TENM3: variants seen among roughly 807,000 people sequenced by gnomAD.
TENM3 encodes the protein teneurin transmembrane protein 3, also known as teneurin-3.
A neutral mutation model predicts 255.1 loss-of-function variants in TENM3; 63 were observed. The ratio of observed to expected loss-of-function variants is 0.25; its 90% CI spans 0.20 to 0.30. TENM3 has a LOEUF of 0.30. Ranked by LOEUF, TENM3 falls within the 10% of genes least tolerant of loss-of-function variation. The pLI is 1.00. For missense variants in TENM3, 2,929 were observed against 3,461.1 expected, an observed-to-expected ratio of 0.85 and a Z score of 3.86; for synonymous variants, 1,306 against 1,322.3, an observed-to-expected ratio of 0.99 and a Z score of 0.27.
At chr4:182,199,106 C>T (rs1754015251) in intron 1 of TENM3, among the ~76,000 whole-genome samples, 1 of 152,124 alleles carries the variant, frequency 6.6e-6, no homozygotes. Context: ...CTGCCATAAG[C>T]CTAGGAAGTA....
intron 1 of TENM3, among the ~76,000 whole-genome samples, chr4:182,214,060 C>T (rs550820926): frequency 6.6e-5 from 10 of 152,148 alleles, no homozygotes; most frequent in Non-Finnish European, 1.3e-4. Flanking sequence ...CTGCGGCCTC[C>T]CCAAGTGCTG....
the TENM3 span, among the ~76,000 whole-genome samples, chr4:181,528,707 T>A: frequency 6.6e-6 from 1 of 152,146 alleles, no homozygotes; most frequent in Non-Finnish European, 1.5e-5. Context: ...ACCGAGGAGG[T>A]GGAATTCCAT....
At chr4:182,585,430 C>T (rs756974449) in intron 3 of TENM3, among the ~76,000 whole-genome samples, 6 of 152,108 alleles carry the variant, frequency 3.9e-5, no homozygotes, top group South Asian at 2.1e-4. Context: ...TAAGGTTAAA[C>T]GAGGTCATCA....
At chr4:181,554,721 G>A in the TENM3 span, among the ~76,000 whole-genome samples, 1 of 152,280 alleles carries the variant, frequency 6.6e-6, no homozygotes, top group Non-Finnish European at 1.5e-5. Context: ...ATGAATCTTC[G>A]ATTTCTAAAG....
chr4:182,323,847 T>C, intron 1 of TENM3, 99 bp from the exon 2 acceptor site: 1 of 604,912 alleles, frequency 1.7e-6, no homozygotes, highest in Non-Finnish European at 2.9e-6. Context: ...AGATAAGCAA[T>C]ACTATTGTTT....
intron 5 of TENM3, among the ~76,000 whole-genome samples, chr4:182,636,174 A>G (rs1166178996): frequency 6.6e-6 from 1 of 152,182 alleles, no homozygotes; most frequent in African/African-American, 2.4e-5. Flanking sequence ...TTTAATACTA[A>G]CATGATTTCA....
At chr4:182,271,503 CA>C (rs1201224168) in intron 1 of TENM3, among the ~76,000 whole-genome samples, 1 of 152,106 alleles carries the variant, frequency 6.6e-6, no homozygotes, top group Admixed American at 6.5e-5. Flanking sequence ...CAATTCTTGT[CA>C]CAGAAGAAGG....
intron 3 of TENM3, among the ~76,000 whole-genome samples, chr4:182,590,842 C>T (rs577737034): frequency 8.0e-4 from 114 of 141,936 alleles, no homozygotes; most frequent in Non-Finnish European, 1.4e-3. Flanking sequence ...AGCGAGACTC[C>T]GTCTCAAAAG....
the TENM3 span, among the ~76,000 whole-genome samples, chr4:181,500,222 T>A: frequency 6.7e-6 from 1 of 150,146 alleles, no homozygotes; most frequent in African/African-American, 2.5e-5. Flanking sequence ...AGAGAGGGGG[T>A]TTCATCATAT....
At chr4:182,615,070 T>TATATATGTA (rs201005312) in intron 4 of TENM3, among the ~76,000 whole-genome samples, 50 of 82,586 alleles carry the variant, frequency 6.1e-4, no homozygotes, top group African/African-American at 1.0e-3. Context: ...TATATATGTA[T>TATATATGTA]TTTTTTTTTC....
At chr4:182,564,648 G>T (rs763659518) in intron 3 of TENM3, among the ~76,000 whole-genome samples, 1 of 150,864 alleles carries the variant, frequency 6.6e-6, no homozygotes, top group Admixed American at 6.6e-5. Flanking sequence ...AAATATTGAA[G>T]GCATATTTGT....
At chr4:182,335,492 C>A (rs1227038125) in intron 2 of TENM3, among the ~76,000 whole-genome samples, 1 of 22,558 alleles carries the variant, frequency 4.4e-5, no homozygotes, top group African/African-American at 1.7e-4. Flanking sequence ...GAGACTCCGC[C>A]TCAAAAAAAA....
chr4:182,239,694 G>A (rs1364851886), upstream of TENM3, among the ~76,000 whole-genome samples: 1 of 152,144 alleles, frequency 6.6e-6, no homozygotes, highest in African/African-American at 2.4e-5. Context: ...ACAGGGTAGG[G>A]AGAAAATACC....
chr4:182,383,820 G>C (rs1269172270), intron 3 of TENM3, among the ~76,000 whole-genome samples: 1 of 152,158 alleles, frequency 6.6e-6, no homozygotes, highest in African/African-American at 2.4e-5. Context: ...TAGACCAATG[G>C]AACAGAGGAG....
chr4:182,565,718 T>C (rs1743722839), intron 3 of TENM3, among the ~76,000 whole-genome samples: 1 of 152,202 alleles, frequency 6.6e-6, no homozygotes, highest in South Asian at 2.1e-4. Context: ...TTGCTTGCTA[T>C]ATGTAGCAGG....
chr4:182,012,253 C>G, the TENM3 span, among the ~76,000 whole-genome samples: 3 of 152,182 alleles, frequency 2.0e-5, no homozygotes, highest in African/African-American at 7.2e-5. Flanking sequence ...TCGCCCTGGC[C>G]TTTCTAGTCC....
At chr4:182,794,662 T>C (rs1227531348) in intron 26 of TENM3, among the ~76,000 whole-genome samples, 1 of 152,242 alleles carries the variant, frequency 6.6e-6, no homozygotes, top group African/African-American at 2.4e-5. Context: ...ATTTTCAGGG[T>C]ACAGATTTAA....
At chr4:182,743,478 A>G in intron 19 of TENM3, 59 bp downstream of exon 19, 1 of 1,574,004 alleles carries the variant, frequency 6.4e-7, no homozygotes, top group Non-Finnish European at 8.7e-7. Flanking sequence ...TTTAAAAAAA[A>G]GGTTGAGTCT....
chr4:182,289,491 G>A (rs1415610485), intron 1 of TENM3, among the ~76,000 whole-genome samples: 1 of 152,150 alleles, frequency 6.6e-6, no homozygotes, highest in Non-Finnish European at 1.5e-5. Flanking sequence ...CAGTTGTCCT[G>A]TACACATGCC....
Sources: gnomAD v4.1 joint callset for allele counts (sites outside exome capture counted in the v4.1 genomes callset) on GRCh38, gnomAD v4.1.1 for gene constraint, MANE v1.5 for transcripts, NCBI Gene and HGNC (gene_info 2026-07-23, HGNC 2026-07-21) for gene names.